RAB22A: variants seen among roughly 807,000 people sequenced by gnomAD.
The protein encoded by RAB22A is RAB22A, member RAS oncogene family, also known as ras-related protein Rab-22A.
RAB22A carries 13 observed loss-of-function variants against 30.2 expected under a neutral mutation model. The ratio of observed to expected loss-of-function variants is 0.43; its 90% CI spans 0.28 to 0.68. RAB22A has a LOEUF of 0.68. Ranked by LOEUF, RAB22A falls within the 30% of genes least tolerant of loss-of-function variation. RAB22A has a pLI of 0.18. For synonymous variants in RAB22A, 89 were observed against 87.2 expected (o/e 1.02, Z -0.11); for missense variants, 177 against 246.8 (o/e 0.72, Z 1.89).
chr20:58,349,880 T>C (rs1242366048), intron 3 of RAB22A, among the ~76,000 whole-genome samples: 1 of 152,162 alleles, frequency 6.6e-6, no homozygotes, highest in African/African-American at 2.4e-5. Flanking sequence ...TGTGACCCAG[T>C]GAGTAGAAGC....
intron 3 of RAB22A, among the ~76,000 whole-genome samples, chr20:58,353,072 T>C (rs1946516101): frequency 6.6e-6 from 1 of 152,254 alleles, no homozygotes; most frequent in Admixed American, 6.5e-5. Context: ...TTCTGAACTA[T>C]CTTCTGAGAG....
At chr20:58,314,239 A>G (rs1027014823) in intron 2 of RAB22A, among the ~76,000 whole-genome samples, 5 of 152,040 alleles carry the variant, frequency 3.3e-5, no homozygotes, top group Admixed American at 2.0e-4. Context: ...TAATTTTTGT[A>G]TTTTGAGTAG....
intron 2 of RAB22A, among the ~76,000 whole-genome samples, chr20:58,317,471 G>T (rs1031933586): frequency 5.9e-5 from 9 of 151,640 alleles, no homozygotes; most frequent in Admixed American, 6.6e-5. Context: ...GCTCCATATT[G>T]TTAGGAGAAT....
At position 58,360,376 on chromosome 20, in the gene RAB22A, C is replaced by G. The variant is rs1987205633; in HGVS notation, c.*673C>G. 1.3e-5 allele frequency: 2 copies of G among 152,612 alleles called. No individual in the cohort carries two copies. The highest frequency in any genetic ancestry group is 4.8e-5 in the African/African-American group (2 of 41,444). 9.5% of individuals were successfully genotyped at this position (152,612 alleles called of 1,614,324 possible). On this transcript the variant is annotated 3_prime_UTR_variant, in exon 7 of 7. Coordinates refer to ENST00000244040, the MANE Select transcript of RAB22A (RefSeq NM_020673.3). ...TGTGCCACCAAACACGTTATTGGCA[C>G]CTTTTTAAATAAGCTCTCATGATCA...
chr20:58,340,356 C>T (rs1250553869), intron 2 of RAB22A, among the ~76,000 whole-genome samples: 1 of 152,140 alleles, frequency 6.6e-6, no homozygotes. Context: ...GCGTACTCAG[C>T]CTTGCACTAG....
chr20:58,330,505 A>G (rs945830621), intron 2 of RAB22A, among the ~76,000 whole-genome samples: 3 of 151,090 alleles, frequency 2.0e-5, no homozygotes, highest in African/African-American at 7.3e-5. Context: ...AGTTTTTTAT[A>G]TTGTACTGGA....
At chr20:58,358,508 A>G (rs1043365813) in intron 6 of RAB22A, among the ~76,000 whole-genome samples, 2 of 152,192 alleles carry the variant, frequency 1.3e-5, no homozygotes, top group Non-Finnish European at 2.9e-5. Context: ...TAATAACATC[A>G]AAATATTGGA....
rs911205462 is a variant in RAB22A at position 58,362,323 on chromosome 20, A to C, written c.*2620A>C. The C allele has an allele frequency of 1.3e-5, 2 of 152,244 alleles. No homozygotes were observed. The highest frequency in any genetic ancestry group is 4.8e-5 in the African/African-American group (2 of 41,464). The allele number at this position is 152,244 out of a possible 1,614,324, so 9.4% of individuals were successfully genotyped here. ...GTGTTTCATTTTGAACACATTTTGG[A>C]TTATTAAGCTGACTAAGCAATGATC... On this transcript the variant is annotated 3_prime_UTR_variant, in exon 7 of 7. Coordinates refer to ENST00000244040, the MANE Select transcript of RAB22A (RefSeq NM_020673.3).
chr20:58,344,994 G>C (rs1488410625), intron 3 of RAB22A, among the ~76,000 whole-genome samples: 1 of 152,150 alleles, frequency 6.6e-6, no homozygotes, highest in Non-Finnish European at 1.5e-5. Flanking sequence ...ATTTAGGACA[G>C]CTGGACCTTT....
In RAB22A at chr20:58,357,599, AT is replaced by A. The variant is rs1283909488; in HGVS notation, c.488-2001del. Reference sequence around the variant, plus strand: ...TTTTAAAAATATTATTTGTTCAACAATTTTTTGATGTCATATTTCACAGATG... The same window carrying A: ...TTTTAAAAATATTATTTGTTCAACAATTTTTGATGTCATATTTCACAGATG... On this transcript the variant is annotated intron_variant, in intron 6 of 6. Coordinates refer to ENST00000244040, the MANE Select transcript of RAB22A (RefSeq NM_020673.3). 1.1e-4 allele frequency among the ~76,000 whole-genome samples: 16 copies of A among 152,286 alleles called. No homozygotes were observed. In the South Asian group the frequency reaches 2.9e-3, roughly 28 times the overall value.
intron 2 of RAB22A, among the ~76,000 whole-genome samples, chr20:58,323,211 T>C (rs555207175): frequency 4.8e-4 from 73 of 152,342 alleles, no homozygotes; most frequent in African/African-American, 1.6e-3. Flanking sequence ...TTGATATGTT[T>C]AGTGCAGTTT....
intron 2 of RAB22A, among the ~76,000 whole-genome samples, chr20:58,321,119 G>A (rs1384690387): frequency 6.6e-6 from 1 of 152,010 alleles, no homozygotes; most frequent in Admixed American, 6.5e-5. Context: ...GAACCCTGGA[G>A]GCGGAGGTTG....
At chr20:58,317,016 T>C (rs1156679862) in intron 2 of RAB22A, among the ~76,000 whole-genome samples, 1 of 152,228 alleles carries the variant, frequency 6.6e-6, no homozygotes. Flanking sequence ...TCTTCCTTCA[T>C]GGAGATGAGA....
intron 2 of RAB22A, among the ~76,000 whole-genome samples, chr20:58,342,109 A>C (rs1205464129): frequency 1.3e-5 from 2 of 152,234 alleles, no homozygotes; most frequent in African/African-American, 4.8e-5. Context: ...TAATCTTCAC[A>C]ATAAACAATG....
intron 2 of RAB22A, among the ~76,000 whole-genome samples, chr20:58,323,878 ACTCTT>A (rs1986507171): frequency 1.3e-5 from 2 of 151,760 alleles, no homozygotes; most frequent in African/African-American, 4.8e-5. Flanking sequence ...ACATAATTAT[ACTCTT>A]TTATGTTAAT....
intron 2 of RAB22A, among the ~76,000 whole-genome samples, chr20:58,323,466 A>G (rs149832641): frequency 6.5e-4 from 99 of 152,100 alleles, no homozygotes; most frequent in African/African-American, 2.1e-3. Context: ...TACTTATTCT[A>G]TGAGATCAGG....
intron 6 of RAB22A, among the ~76,000 whole-genome samples, chr20:58,357,026 A>T (rs139045530): frequency 2.0e-5 from 3 of 152,184 alleles, no homozygotes; most frequent in African/African-American, 7.2e-5. Flanking sequence ...TTTGTTAGGT[A>T]TATTTATACC....
chr20:58,357,860 T>G (rs1212771297), intron 6 of RAB22A, among the ~76,000 whole-genome samples: 1 of 152,150 alleles, frequency 6.6e-6, no homozygotes, highest in African/African-American at 2.4e-5. Context: ...AGAACCTGAG[T>G]CAGCGGAGAG....
chr20:58,334,023 A>T (rs1364994306), intron 2 of RAB22A, among the ~76,000 whole-genome samples: 1 of 151,872 alleles, frequency 6.6e-6, no homozygotes, highest in African/African-American at 2.4e-5. Context: ...GTGCCATTAC[A>T]CTTCTTTAAA....
Sources: gnomAD v4.1 joint callset for allele counts (sites outside exome capture counted in the v4.1 genomes callset) on GRCh38, gnomAD v4.1.1 for gene constraint, MANE v1.5 for transcripts, NCBI Gene and HGNC (gene_info 2026-07-23, HGNC 2026-07-21) for gene names.